Variants in MARCHF1 observed in about 807,000 individuals in gnomAD.
MARCHF1 encodes the protein E3 ubiquitin-protein ligase MARCHF1.
A neutral mutation model predicts 54.2 loss-of-function variants in MARCHF1; 40 were observed. That is an observed-to-expected ratio of 0.74 (90% CI 0.57 to 0.96). MARCHF1 has a LOEUF of 0.96. MARCHF1 is among the 40% of genes least tolerant of loss of function. The pLI, the probability that MARCHF1 is intolerant of heterozygous loss-of-function variation, is 0.00. For missense variants in MARCHF1, 586 were observed against 656.5 expected (o/e 0.89, Z 1.17); for synonymous variants, 236 against 236.3 (o/e 1.00, Z 0.01).
Position 164,203,845 on chromosome 4 carries a change from G to A in MARCHF1, c.-322-92183C>T, listed in dbSNP as rs576194547. Among the ~76,000 whole-genome samples the A allele has an allele frequency of 3.1e-4, 47 of 152,142 alleles. 1 individual carries two copies. The highest frequency in any genetic ancestry group is 1.1e-3 in the African/African-American group (46 of 41,444). On this transcript the variant is annotated intron_variant, in intron 1 of 9. Transcript: ENST00000514618. ...AGAAGAAAGTAAAAGAAACAAAAAAGCTGAGACTGAACTAAAAATGGGAAG... is the reference window on the plus strand; with the variant it reads ...AGAAGAAAGTAAAAGAAACAAAAAAACTGAGACTGAACTAAAAATGGGAAG...
At chr4:164,134,295 T>C (rs2110829871) in intron 1 of MARCHF1, among the ~76,000 whole-genome samples, 1 of 152,320 alleles carries the variant, frequency 6.6e-6, no homozygotes, top group East Asian at 1.9e-4. Context: ...ATCCCAAGGG[T>C]TATTTTAAAA....
At chr4:164,099,985 C>T (rs1755504081) in intron 2 of MARCHF1, among the ~76,000 whole-genome samples, 1 of 152,064 alleles carries the variant, frequency 6.6e-6, no homozygotes, top group Non-Finnish European at 1.5e-5. Context: ...AAATAAAATT[C>T]CATCATTTTG....
At chr4:164,140,982 C>A (rs77046602) in intron 1 of MARCHF1, among the ~76,000 whole-genome samples, 1,615 of 152,270 alleles carry the variant, frequency 0.011, 25 homozygotes, top group African/African-American at 0.036. Flanking sequence ...TATTTGCTAC[C>A]CCACGTGTTG....
At chr4:164,308,565 C>A (rs1457987734) in intron 1 of MARCHF1, among the ~76,000 whole-genome samples, 1 of 151,830 alleles carries the variant, frequency 6.6e-6, no homozygotes, top group African/African-American at 2.4e-5. Context: ...AACACCACAA[C>A]TAATTGTGGG....
chr4:163,812,386 CCTGA>C (rs1177054455), intron 4 of MARCHF1, among the ~76,000 whole-genome samples: 3 of 151,570 alleles, frequency 2.0e-5, no homozygotes, highest in Middle Eastern at 3.2e-3. Flanking sequence ...CTGGAGAAAC[CCTGA>C]CTAATACATT....
At chr4:163,785,064 A>G (rs1379897290) in intron 4 of MARCHF1, among the ~76,000 whole-genome samples, 1 of 152,138 alleles carries the variant, frequency 6.6e-6, no homozygotes, top group Non-Finnish European at 1.5e-5. Context: ...GTTTATAGAC[A>G]CTGTGGCAAG....
At chr4:163,594,847 T>C (rs1740711440) in intron 7 of MARCHF1, among the ~76,000 whole-genome samples, 1 of 152,054 alleles carries the variant, frequency 6.6e-6, no homozygotes, top group Non-Finnish European at 1.5e-5. Context: ...CCTTGTACGC[T>C]GTTAGGAATA....
intron 3 of MARCHF1, among the ~76,000 whole-genome samples, chr4:163,880,513 ATTC>A (rs1252002493): frequency 6.6e-6 from 1 of 151,410 alleles, no homozygotes; most frequent in African/African-American, 2.4e-5. Context: ...GTTATATATT[ATTC>A]TTTTAATCCT....
At chr4:164,351,490 C>T (rs1031982239) in intron 1 of MARCHF1, among the ~76,000 whole-genome samples, 51 of 151,896 alleles carry the variant, frequency 3.4e-4, no homozygotes, top group East Asian at 3.1e-3. Flanking sequence ...AGGCACCCCC[C>T]AGCAGGGGCA....
intron 1 of MARCHF1, among the ~76,000 whole-genome samples, chr4:164,200,266 T>G (rs1020111492): frequency 3.3e-5 from 5 of 152,230 alleles, no homozygotes; most frequent in African/African-American, 1.2e-4. Flanking sequence ...AGATGCAAGA[T>G]ATCATTGTAA....
At chr4:164,235,072 C>T (rs191844372) in intron 1 of MARCHF1, among the ~76,000 whole-genome samples, 208 of 152,200 alleles carry the variant, frequency 1.4e-3, no homozygotes, top group African/African-American at 4.7e-3. Flanking sequence ...TCCTCACACT[C>T]ATTAAAGAAG....
At chr4:163,953,497 G>C (rs1202569009) in intron 3 of MARCHF1, among the ~76,000 whole-genome samples, 1 of 152,074 alleles carries the variant, frequency 6.6e-6, no homozygotes, top group Non-Finnish European at 1.5e-5. Flanking sequence ...AGTTCTCTTT[G>C]CTTCTTTCTC....
At chr4:163,831,050 G>T (rs1749007717) in intron 4 of MARCHF1, among the ~76,000 whole-genome samples, 1 of 152,142 alleles carries the variant, frequency 6.6e-6, no homozygotes, top group Non-Finnish European at 1.5e-5. Context: ...TCCTTGGTGG[G>T]TCAATAGGTA....
chr4:163,749,022 C>T (rs1392189755), intron 4 of MARCHF1, among the ~76,000 whole-genome samples: 1 of 152,088 alleles, frequency 6.6e-6, no homozygotes, highest in Non-Finnish European at 1.5e-5. Context: ...GGTAATATTC[C>T]TTTTCTTTAG....
chr4:164,326,245 A>T (rs1286637704), intron 1 of MARCHF1, among the ~76,000 whole-genome samples: 1 of 152,194 alleles, frequency 6.6e-6, no homozygotes, highest in Non-Finnish European at 1.5e-5. Flanking sequence ...GCAATGTAAA[A>T]GCAGCATGGG....
chr4:164,203,071 T>C (rs1731499966), intron 1 of MARCHF1, among the ~76,000 whole-genome samples: 1 of 151,842 alleles, frequency 6.6e-6, no homozygotes, highest in African/African-American at 2.4e-5. Flanking sequence ...TCTCTCTCCT[T>C]GATATAGACA....
At chr4:163,548,951 A>G (rs902455587) in intron 8 of MARCHF1, among the ~76,000 whole-genome samples, 3 of 152,224 alleles carry the variant, frequency 2.0e-5, no homozygotes, top group Admixed American at 6.5e-5. Context: ...GGCAAGTGAT[A>G]ATCTGTGAAA....
chr4:163,536,423 A>G (rs1345512620), intron 9 of MARCHF1, among the ~76,000 whole-genome samples: 1 of 152,048 alleles, frequency 6.6e-6, no homozygotes. Flanking sequence ...AACCCATCTT[A>G]GAGGTCATTT....
chr4:164,244,465 G>A (rs1262474169), intron 1 of MARCHF1, among the ~76,000 whole-genome samples: 2 of 148,646 alleles, frequency 1.3e-5, no homozygotes, highest in Non-Finnish European at 3.0e-5. Flanking sequence ...GCAGTGTGTA[G>A]AGGGAAATTT....
Sources: allele counts gnomAD v4.1 joint callset (sites outside exome capture counted in the v4.1 genomes callset), GRCh38; gene constraint gnomAD v4.1.1; transcripts MANE v1.5; gene names NCBI Gene and HGNC (gene_info 2026-07-23, HGNC 2026-07-21).